Variants in RPS6KC1 observed in about 807,000 individuals in gnomAD.
RPS6KC1 encodes the protein inactive ribosomal protein S6 kinase delta-1.
RPS6KC1 carries 54 observed loss-of-function variants against 103.8 expected under a neutral mutation model. The ratio of observed to expected loss-of-function variants is 0.52; its 90% CI spans 0.42 to 0.65. The LOEUF (loss-of-function observed/expected upper bound fraction) is 0.65. RPS6KC1 is among the 30% of genes least tolerant of loss of function. The pLI, the probability that RPS6KC1 is intolerant of heterozygous loss-of-function variation, is 0.00. For missense variants in RPS6KC1, 1,151 were observed against 1,253.8 expected, an observed-to-expected ratio of 0.92 and a Z score of 1.24; for synonymous variants, 439 against 438.7, an observed-to-expected ratio of 1.00 and a Z score of -0.01.
chr1:213,052,686 A>G (rs1459795065), intron 1 of RPS6KC1, among the ~76,000 whole-genome samples: 1 of 152,038 alleles, frequency 6.6e-6, no homozygotes, highest in African/African-American at 2.4e-5. Flanking sequence ...GATTACAGGC[A>G]TGTGCTACCA....
At chr1:213,229,745 T>G (rs1437359621) in intron 8 of RPS6KC1, among the ~76,000 whole-genome samples, 1 of 152,174 alleles carries the variant, frequency 6.6e-6, no homozygotes, top group Non-Finnish European at 1.5e-5. Context: ...GGTCTTGAGG[T>G]CATTTTATGG....
chr1:213,793,545 G>A, the RPS6KC1 span, among the ~76,000 whole-genome samples: 1 of 152,050 alleles, frequency 6.6e-6, no homozygotes, highest in Admixed American at 6.6e-5. Context: ...CTAATCCACT[G>A]AAACCATTAG....
chr1:213,274,553 C>T lies in RPS6KC1; in HGVS notation c.*1919C>T, dbSNP rs143402035. ...GAGCTTGTGCCTAATGTAAATACAT[C>T]ATTCATAATTAGAATGGACATTAAT... On this transcript the variant is annotated 3_prime_UTR_variant, in exon 15 of 15. Transcript: ENST00000366960. The T allele has an allele frequency of 6.6e-6, 1 of 152,134 alleles. No homozygotes were observed. The highest frequency in any genetic ancestry group is 2.4e-5 in the African/African-American group (1 of 41,416). 9.4% of individuals were successfully genotyped at this position (152,134 alleles called of 1,614,324 possible). A position where few individuals can be genotyped will look rare whatever the true frequency, so the allele number is the denominator to read the frequency against.
the RPS6KC1 span, among the ~76,000 whole-genome samples, chr1:213,421,215 G>A: frequency 6.6e-6 from 1 of 151,968 alleles, no homozygotes; most frequent in Non-Finnish European, 1.5e-5. Flanking sequence ...GGGTTCAAGT[G>A]ATTCTCCTGC....
At chr1:213,087,229 A>G (rs2080478583) in intron 3 of RPS6KC1, among the ~76,000 whole-genome samples, 1 of 152,126 alleles carries the variant, frequency 6.6e-6, no homozygotes, top group Non-Finnish European at 1.5e-5. Context: ...TCACTAATTA[A>G]GGATTTTCTC....
the RPS6KC1 span, among the ~76,000 whole-genome samples, chr1:213,478,709 GT>G: frequency 6.6e-6 from 1 of 152,064 alleles, no homozygotes; most frequent in Non-Finnish European, 1.5e-5. Context: ...ATAAATTTTT[GT>G]TGAGTTTTAA....
At chr1:213,709,969 G>A in the RPS6KC1 span, among the ~76,000 whole-genome samples, 2 of 152,308 alleles carry the variant, frequency 1.3e-5, no homozygotes, top group East Asian at 3.9e-4. Flanking sequence ...TAAGTGCTAT[G>A]TAGTCCTGAG....
At chr1:213,225,018 G>A (rs2093926231) in intron 8 of RPS6KC1, among the ~76,000 whole-genome samples, 2 of 152,208 alleles carry the variant, frequency 1.3e-5, no homozygotes, top group African/African-American at 4.8e-5. Context: ...GAGTGCTGGT[G>A]TGTTAAGAAT....
chr1:213,051,330 A>C lies in RPS6KC1; in HGVS notation c.-75A>C. 1 of 1,167,660 alleles carries C rather than the reference A, an allele frequency of 8.6e-7. No homozygotes were observed. The allele number at this position is 1,167,660 out of a possible 1,614,324, so 72.3% of individuals were successfully genotyped here. A position where few individuals can be genotyped will look rare whatever the true frequency, so the allele number is the denominator to read the frequency against. ...TCGCCGCTTCGCCGCTGCGTTGGGG[A>C]ACCTGGACCGCGGCGGCGCCGGGTT... is the stretch of plus-strand genomic sequence containing the variant. On this transcript the variant is annotated 5_prime_UTR_variant, in exon 1 of 15. Transcript: ENST00000366960.
At chr1:213,853,382 C>T in the RPS6KC1 span, among the ~76,000 whole-genome samples, 1 of 152,146 alleles carries the variant, frequency 6.6e-6, no homozygotes, top group Non-Finnish European at 1.5e-5. Flanking sequence ...GTCCTTAACC[C>T]CTTTGAGCCC....
chr1:213,370,075 A>G, the RPS6KC1 span, among the ~76,000 whole-genome samples: 1 of 152,104 alleles, frequency 6.6e-6, no homozygotes, highest in African/African-American at 2.4e-5. Context: ...ATTGCAATGT[A>G]GGAAGATGAA....
the RPS6KC1 span, among the ~76,000 whole-genome samples, chr1:213,415,866 CTG>C: frequency 6.6e-6 from 1 of 152,180 alleles, no homozygotes; most frequent in Non-Finnish European, 1.5e-5. Flanking sequence ...GGTTAAATTG[CTG>C]TGTGACTTGG....
intron 6 of RPS6KC1, among the ~76,000 whole-genome samples, chr1:213,157,642 T>A (rs1412012862): frequency 2.6e-5 from 4 of 152,268 alleles, no homozygotes; most frequent in Non-Finnish European, 4.4e-5. Flanking sequence ...TGTGTGCTTA[T>A]AAGAAGCATA....
the RPS6KC1 span, among the ~76,000 whole-genome samples, chr1:213,612,237 T>A: frequency 1.3e-5 from 2 of 152,236 alleles, no homozygotes; most frequent in Non-Finnish European, 2.9e-5. Context: ...TGATGCACAC[T>A]CAGGCTTGAG....
the RPS6KC1 span, among the ~76,000 whole-genome samples, chr1:213,847,707 G>T: frequency 1.3e-5 from 2 of 152,060 alleles, no homozygotes; most frequent in Non-Finnish European, 2.9e-5. Flanking sequence ...TGCATCCCTT[G>T]TTGATGTCTA....
At chr1:213,586,224 T>C in the RPS6KC1 span, among the ~76,000 whole-genome samples, 2 of 152,232 alleles carry the variant, frequency 1.3e-5, no homozygotes, top group Non-Finnish European at 2.9e-5. Flanking sequence ...AGAGGATCTG[T>C]AAACCTCCCC....
chr1:213,589,422 C>T, the RPS6KC1 span, among the ~76,000 whole-genome samples: 8 of 152,160 alleles, frequency 5.3e-5, no homozygotes, highest in African/African-American at 1.7e-4. Context: ...GGAAGATCAC[C>T]TGAGGTCAGG....
chr1:213,762,161 G>T, the RPS6KC1 span, among the ~76,000 whole-genome samples: 3 of 151,682 alleles, frequency 2.0e-5, no homozygotes, highest in Admixed American at 6.7e-5. Context: ...CTCGGGCAGG[G>T]ACTCTGCCTT....
At chr1:213,337,742 C>T in the RPS6KC1 span, among the ~76,000 whole-genome samples, 2 of 152,120 alleles carry the variant, frequency 1.3e-5, no homozygotes, top group Non-Finnish European at 2.9e-5. Flanking sequence ...TATTTATTGT[C>T]TGCTGTGTAC....
Sources: gnomAD v4.1 joint callset for allele counts (sites outside exome capture counted in the v4.1 genomes callset) on GRCh38, gnomAD v4.1.1 for gene constraint, MANE v1.5 for transcripts, NCBI Gene and HGNC (gene_info 2026-07-23, HGNC 2026-07-21) for gene names.